Variants in FOXP1 observed in about 807,000 individuals in gnomAD.
The protein encoded by FOXP1 is forkhead box protein P1.
Under a neutral mutation model 98.2 loss-of-function variants are expected in FOXP1, and 15 were observed. The observed-to-expected ratio is 0.15, with a 90% CI of 0.10 to 0.24. The LOEUF (loss-of-function observed/expected upper bound fraction) is 0.24, where lower values mean the gene tolerates loss of function less well. FOXP1 is among the 10% of genes least tolerant of loss of function. The pLI is 1.00. For missense variants in FOXP1, 633 were observed against 848.5 expected (o/e 0.75, Z 3.15); for synonymous variants, 371 against 314.5 (o/e 1.18, Z -1.90).
At chr3:71,117,343 T>C (rs1575801519) in intron 6 of FOXP1, among the ~76,000 whole-genome samples, 4 of 152,214 alleles carry the variant, frequency 2.6e-5, no homozygotes, top group African/African-American at 9.6e-5. Context: ...CACTTTGGCC[T>C]CTCAAAGGGT....
At chr3:71,386,942 G>A (rs1408748707) in intron 3 of FOXP1, among the ~76,000 whole-genome samples, 1 of 151,918 alleles carries the variant, frequency 6.6e-6, no homozygotes, top group African/African-American at 2.4e-5. Flanking sequence ...TCTTACATCA[G>A]CTACCTTTCC....
intron 4 of FOXP1, among the ~76,000 whole-genome samples, chr3:71,340,846 G>T (rs2076968686): frequency 6.6e-6 from 1 of 152,226 alleles, no homozygotes; most frequent in Admixed American, 6.5e-5. Flanking sequence ...CTTTTTCAGA[G>T]AGTGTTTTAA....
At chr3:71,130,392 T>C (rs1178877502) in intron 6 of FOXP1, 11 of 1,122,312 alleles carry the variant, frequency 9.8e-6, no homozygotes, top group Non-Finnish European at 1.4e-5. Flanking sequence ...AGTAAACAAG[T>C]TGGATCACCT....
At chr3:71,137,278 C>A (rs1211429912) in intron 6 of FOXP1, among the ~76,000 whole-genome samples, 1 of 152,192 alleles carries the variant, frequency 6.6e-6, no homozygotes, top group Non-Finnish European at 1.5e-5. Flanking sequence ...ACTTTGCTCT[C>A]TTCTCCATAT....
At chr3:71,508,233 G>C (rs561792809) in intron 2 of FOXP1, among the ~76,000 whole-genome samples, 1 of 152,338 alleles carries the variant, frequency 6.6e-6, no homozygotes, top group South Asian at 2.1e-4. Context: ...TGGCACTACA[G>C]ATAATGTTTA....
intron 3 of FOXP1, among the ~76,000 whole-genome samples, chr3:71,404,104 T>TTTTC (rs1553873626): frequency 2.4e-5 from 3 of 123,802 alleles, no homozygotes; most frequent in Non-Finnish European, 4.9e-5. Flanking sequence ...TATTGGGGTT[T>TTTTC]TTTTCTTTTC....
At chr3:71,415,780 CTG>C (rs944068941) in intron 3 of FOXP1, among the ~76,000 whole-genome samples, 2 of 151,120 alleles carry the variant, frequency 1.3e-5, no homozygotes, top group Admixed American at 6.6e-5. Context: ...TGACCACAAA[CTG>C]TCCTTAACAC....
intron 3 of FOXP1, among the ~76,000 whole-genome samples, chr3:71,436,434 G>A (rs2085363309): frequency 6.6e-6 from 1 of 151,922 alleles, no homozygotes; most frequent in Admixed American, 6.6e-5. Context: ...TGGCCCTGGT[G>A]GTGATGAGAC....
At chr3:71,008,787 C>G (rs1314245118) in intron 12 of FOXP1, among the ~76,000 whole-genome samples, 1 of 151,902 alleles carries the variant, frequency 6.6e-6, no homozygotes, top group East Asian at 1.9e-4. Flanking sequence ...ACAAATGCTG[C>G]AGAATGATCA....
At chr3:71,449,012 A>AC (rs2086699941) in intron 3 of FOXP1, among the ~76,000 whole-genome samples, 1 of 152,114 alleles carries the variant, frequency 6.6e-6, no homozygotes, top group Admixed American at 6.6e-5. Flanking sequence ...ACCAGACCTA[A>AC]CCCCAAACTG....
chr3:71,323,391 C>A (rs1415806890), intron 4 of FOXP1, among the ~76,000 whole-genome samples: 3 of 152,062 alleles, frequency 2.0e-5, no homozygotes, highest in Non-Finnish European at 1.5e-5. Flanking sequence ...AACACAGAAA[C>A]TGGGAGGGTG....
intron 12 of FOXP1, 104 bp from the exon 13 acceptor site, chr3:71,001,163 C>T (rs2042076264): frequency 2.4e-6 from 2 of 818,310 alleles, no homozygotes; most frequent in South Asian, 2.8e-5. Flanking sequence ...GTCTAGCTCC[C>T]AGGAGATAGT....
intron 3 of FOXP1, among the ~76,000 whole-genome samples, chr3:71,415,680 C>T (rs978056837): frequency 4.6e-5 from 7 of 151,008 alleles, no homozygotes; most frequent in Non-Finnish European, 2.9e-5. Flanking sequence ...GTAAGCAGAA[C>T]ATAACTCAAT....
chr3:70,963,083 C>G (rs938305501), intron 20 of FOXP1, among the ~76,000 whole-genome samples: 2 of 152,128 alleles, frequency 1.3e-5, no homozygotes, highest in African/African-American at 4.8e-5. Context: ...AACAAATAAA[C>G]AAAACACGTT....
intron 3 of FOXP1, among the ~76,000 whole-genome samples, chr3:71,371,432 T>G (rs2079306912): frequency 6.6e-6 from 1 of 152,134 alleles, no homozygotes. Flanking sequence ...CCAGTCCACG[T>G]GGTTTGTTCT....
chr3:71,467,808 A>C (rs1577676048), intron 3 of FOXP1, among the ~76,000 whole-genome samples: 1 of 152,314 alleles, frequency 6.6e-6, no homozygotes, highest in East Asian at 1.9e-4. Flanking sequence ...TGAGTTTCTG[A>C]TTCAGGAGGT....
chr3:71,040,312 C>T (rs894671881), intron 11 of FOXP1: 2 of 152,052 alleles, frequency 1.3e-5, no homozygotes, highest in Non-Finnish European at 2.9e-5. Flanking sequence ...TTAAAAAACA[C>T]AATACAGAAT....
intron 2 of FOXP1, among the ~76,000 whole-genome samples, chr3:71,559,051 G>A (rs759732252): frequency 5.3e-5 from 8 of 152,156 alleles, no homozygotes; most frequent in African/African-American, 1.9e-4. Context: ...TGATCCGCCC[G>A]CCTTGGCCTC....
At chr3:71,291,660 CAT>C (rs1210084211) in intron 5 of FOXP1, among the ~76,000 whole-genome samples, 2 of 151,888 alleles carry the variant, frequency 1.3e-5, no homozygotes, top group African/African-American at 2.4e-5. Flanking sequence ...ATCCTTACCA[CAT>C]GTGACATATT....
Sources: allele counts gnomAD v4.1 joint callset (sites outside exome capture counted in the v4.1 genomes callset), GRCh38; gene constraint gnomAD v4.1.1; transcripts MANE v1.5; gene names NCBI Gene and HGNC (gene_info 2026-07-23, HGNC 2026-07-21).